Variants in STX2 observed in about 807,000 individuals in gnomAD.
STX2 encodes syntaxin 2.
STX2 carries 27 observed loss-of-function variants against 40.6 expected under a neutral mutation model. That is an observed-to-expected ratio of 0.66 (90% CI 0.49 to 0.92). STX2 has a LOEUF of 0.92. STX2 is among the 40% of genes least tolerant of loss of function. The pLI is 0.00. For synonymous variants in STX2, 123 were observed against 119.1 expected (o/e 1.03, Z -0.22); for missense variants, 328 against 366.1 (o/e 0.90, Z 0.85).
intron 3 of STX2, among the ~76,000 whole-genome samples, chr12:130,818,185 A>AAAAAATATATATATATATAT: frequency 3.1e-4 from 22 of 70,534 alleles, no homozygotes; most frequent in Non-Finnish European, 3.7e-4. Context: ...AAAAAAAAAA[A>AAAAAATATATATATATATAT]ATATATATAT....
intron 3 of STX2, among the ~76,000 whole-genome samples, chr12:130,820,843 T>C (rs1288005798): frequency 6.6e-6 from 1 of 152,124 alleles, no homozygotes; most frequent in Non-Finnish European, 1.5e-5. Flanking sequence ...AGGGGCCATT[T>C]TCATGGATTC....
chr12:130,791,991 A>G lies in STX2; in HGVS notation c.*46-14T>C. The G allele has an allele frequency of 6.4e-7, 1 of 1,558,088 alleles. No homozygotes were observed. Among genetic ancestry groups the G allele is most frequent in the Non-Finnish European group, 8.8e-7 (1 of 1,132,148 alleles). ...GAACATCAATTTCTGCAAGATAAAG[A>G]AAAACATTAATTTGCAATGTATCAA... On this transcript the variant is annotated splice_polypyrimidine_tract_variant and intron_variant, in intron 10 of 10. Transcript: ENST00000392373.
At chr12:130,792,336 G>C (rs377323952) in intron 10 of STX2, among the ~76,000 whole-genome samples, 30 of 152,356 alleles carry the variant, frequency 2.0e-4, no homozygotes, top group Admixed American at 2.0e-3. Context: ...TGGGATTACA[G>C]GCGTGAGGCA....
intron 1 of STX2, among the ~76,000 whole-genome samples, chr12:130,838,072 T>C (rs75536382): frequency 0.013 from 2,014 of 152,274 alleles, 22 homozygotes; most frequent in Non-Finnish European, 0.02. Flanking sequence ...GAATAATTCA[T>C]TACATGCAGT....
intron 1 of STX2, 138 bp from the exon 2 acceptor site, chr12:130,827,405 CACT>C: frequency 1.6e-6 from 1 of 641,282 alleles, no homozygotes; most frequent in Non-Finnish European, 2.8e-6. Context: ...TAGCAGCCAC[CACT>C]ATCTACTCCA....
chr12:130,809,625 T>C (rs1366344228), intron 4 of STX2, among the ~76,000 whole-genome samples: 2 of 152,148 alleles, frequency 1.3e-5, no homozygotes, highest in Non-Finnish European at 2.9e-5. Flanking sequence ...GAGACCAGCG[T>C]GGCCAACATG....
chr12:130,837,423 A>G (rs1377928247), intron 1 of STX2, among the ~76,000 whole-genome samples: 1 of 152,134 alleles, frequency 6.6e-6, no homozygotes, highest in Non-Finnish European at 1.5e-5. Context: ...CCTCCAGAGT[A>G]GCTGGGACTA....
chr12:130,799,453 C>T (rs189533464), intron 8 of STX2, among the ~76,000 whole-genome samples: 1 of 152,198 alleles, frequency 6.6e-6, no homozygotes, highest in Non-Finnish European at 1.5e-5. Flanking sequence ...TTAGTAATTA[C>T]AGAAATCATC....
chr12:130,808,718 G>C lies in STX2; in HGVS notation c.281-14C>G, dbSNP rs1951535082. ...TTTGTTCAATAGCTAGGAACAAATA[G>C]GAAATAATTACCTTCCAAATTTAAA... On this transcript the variant is annotated splice_polypyrimidine_tract_variant and intron_variant, in intron 4 of 10. Transcript: ENST00000392373. The C allele has an allele frequency of 6.3e-7, 1 of 1,595,430 alleles. No homozygotes were observed. Among genetic ancestry groups the C allele is most frequent in the African/African-American group, 1.3e-5 (1 of 74,278 alleles).
intron 3 of STX2, among the ~76,000 whole-genome samples, chr12:130,819,285 G>C (rs982369081): frequency 6.6e-6 from 1 of 152,238 alleles, no homozygotes; most frequent in Non-Finnish European, 1.5e-5. Flanking sequence ...GAGACACGCG[G>C]GAGGCGGAGC....
intron 5 of STX2, among the ~76,000 whole-genome samples, chr12:130,807,910 C>T (rs1254177090): frequency 6.6e-6 from 1 of 152,154 alleles, no homozygotes; most frequent in Non-Finnish European, 1.5e-5. Flanking sequence ...GACAGAAGGC[C>T]GCACATCGCC....
intron 1 of STX2, among the ~76,000 whole-genome samples, chr12:130,837,849 T>C (rs1952798123): frequency 6.6e-6 from 1 of 152,220 alleles, no homozygotes; most frequent in Non-Finnish European, 1.5e-5. Flanking sequence ...GGAATATTTG[T>C]CCATTAATAA....
chr12:130,806,747 G>A (rs559436259), intron 6 of STX2, among the ~76,000 whole-genome samples: 271 of 152,304 alleles, frequency 1.8e-3, no homozygotes, highest in Non-Finnish European at 3.3e-3. Context: ...CAATCTCCCT[G>A]AAACTCTAAA....
intron 4 of STX2, among the ~76,000 whole-genome samples, chr12:130,809,191 T>C (rs767523860): frequency 4.0e-4 from 61 of 152,256 alleles, no homozygotes; most frequent in Non-Finnish European, 6.6e-4. Flanking sequence ...CATGTATATG[T>C]AGATACACAC....
rs893172539 is a variant in STX2 at position 130,839,202 on chromosome 12, G to A, written c.-103C>T. The A allele has an allele frequency of 2.4e-5, 25 of 1,021,238 alleles. No individual in the cohort carries two copies. Among genetic ancestry groups the A allele is most frequent in the Non-Finnish European group, 2.9e-5 (24 of 839,872 alleles). 63.3% of individuals were successfully genotyped at this position (1,021,238 alleles called of 1,614,324 possible). On this transcript the variant is annotated 5_prime_UTR_variant, in exon 1 of 11. Coordinates refer to ENST00000392373, the MANE Select transcript of STX2 (RefSeq NM_194356.4). Reference sequence around the variant, plus strand: ...CTCCGCCTCAGGCCCCGCGGTCCCGGCCCGGCGCCAGCAGCCCTCCCTGGA... The same window carrying A: ...CTCCGCCTCAGGCCCCGCGGTCCCGACCCGGCGCCAGCAGCCCTCCCTGGA...
At chr12:130,833,331 G>A (rs1340434206) in intron 1 of STX2, among the ~76,000 whole-genome samples, 3 of 151,890 alleles carry the variant, frequency 2.0e-5, no homozygotes, top group Non-Finnish European at 1.5e-5. Context: ...GACCTCAGTG[G>A]CTCGCTCCGT....
At chr12:130,821,505 GA>G (rs937686673) in intron 3 of STX2, among the ~76,000 whole-genome samples, 183 bp downstream of exon 3, 3 of 149,126 alleles carry the variant, frequency 2.0e-5, no homozygotes, top group East Asian at 1.9e-4. Context: ...GCAGCTTTAA[GA>G]AAAAAAAAAC....
chr12:130,798,686 A>G (rs531631492), intron 8 of STX2, 51 bp from the exon 9 acceptor site: 12 of 1,397,482 alleles, frequency 8.6e-6, no homozygotes, highest in Admixed American at 6.5e-5. Context: ...TGGCTTAATC[A>G]TGTATCTTTA....
intron 3 of STX2, among the ~76,000 whole-genome samples, chr12:130,813,850 G>A (rs879032129): frequency 1.3e-5 from 2 of 152,338 alleles, no homozygotes; most frequent in Admixed American, 6.5e-5. Flanking sequence ...GAAGGCCCCC[G>A]CCCCGTCTCT....
Sources: allele counts gnomAD v4.1 joint callset (sites outside exome capture counted in the v4.1 genomes callset), GRCh38; gene constraint gnomAD v4.1.1; transcripts MANE v1.5; gene names NCBI Gene and HGNC (gene_info 2026-07-23, HGNC 2026-07-21).